USP5: variants seen among roughly 807,000 people sequenced by gnomAD.
USP5 encodes the protein ubiquitin carboxyl-terminal hydrolase 5.
USP5 carries 24 observed loss-of-function variants against 102.5 expected under a neutral mutation model. The ratio of observed to expected loss-of-function variants is 0.23; its 90% CI spans 0.17 to 0.33. USP5 has a LOEUF of 0.33. Ranked by LOEUF, USP5 falls within the 10% of genes least tolerant of loss-of-function variation. The pLI, the probability that USP5 is intolerant of heterozygous loss-of-function variation, is 1.00. For synonymous variants in USP5, 460 were observed against 434.8 expected, an observed-to-expected ratio of 1.06 and a Z score of -0.72; for missense variants, 753 against 1,122.1, an observed-to-expected ratio of 0.67 and a Z score of 4.70.
chr12:6,857,754 A>T lies in USP5; in HGVS notation c.864+31A>T, dbSNP rs1555128664. The T allele has an allele frequency of 3.1e-6, 5 of 1,611,074 alleles. No homozygotes were observed. In the South Asian group the frequency reaches 4.4e-5, roughly 14 times the overall value. ...ACCCCCTTCAACTTCAGATTCTTCTACTTCCTGCCCCTGTGAGGGCCCTTC... is the reference window on the plus strand; with the variant it reads ...ACCCCCTTCAACTTCAGATTCTTCTTCTTCCTGCCCCTGTGAGGGCCCTTC... On this transcript the variant is annotated intron_variant, in intron 7 of 19. Transcript: ENST00000229268.
At chr12:6,854,093 G>T (rs1159112213) in intron 1 of USP5, among the ~76,000 whole-genome samples, 7 of 152,196 alleles carry the variant, frequency 4.6e-5, no homozygotes, top group Non-Finnish European at 1.0e-4. Flanking sequence ...GGTCAGCTTT[G>T]GGGGAAGCCC....
At chr12:6,859,940 C>T (rs1356305653) in intron 9 of USP5, among the ~76,000 whole-genome samples, 1 of 152,176 alleles carries the variant, frequency 6.6e-6, no homozygotes, top group Admixed American at 6.5e-5. Context: ...CAGGCGTGAG[C>T]CACCGTGCAC....
At position 6,864,248 on chromosome 12, in the gene USP5, G is replaced by C. The variant is rs1284509923; in HGVS notation, c.2244+53G>C. On this transcript the variant is annotated intron_variant, in intron 17 of 19. Transcript: ENST00000229268. This position sits in a 1 kb window ranked among gnomAD's most constrained non-coding sequence, Gnocchi z 4.8. ...GGGCCAGTGGGGAAGAAGGGGGTGG[G>C]AATGAGGGGCCATCCTTCTTGAGCA... 1 of 1,527,876 alleles carries C rather than the reference G, an allele frequency of 6.5e-7. No homozygotes were observed. The highest frequency in any genetic ancestry group is 8.8e-7 in the Non-Finnish European group (1 of 1,138,540). 94.6% of individuals were successfully genotyped at this position (1,527,876 alleles called of 1,614,324 possible).
In USP5 at chr12:6,864,487, A is replaced by G. The variant is rs2071061; in HGVS notation, c.2245-235A>G. On this transcript the variant is annotated intron_variant, in intron 17 of 19. Coordinates refer to ENST00000229268, the MANE Select transcript of USP5 (RefSeq NM_001098536.2). This position sits in a 1 kb window ranked among gnomAD's most constrained non-coding sequence, Gnocchi z 4.8. ...GGCGGATCACGCGGTCAGCAGATCA[A>G]GACCATCCTGGCTAACACGGTGAAA... Among the ~76,000 whole-genome samples the G allele has an allele frequency of 0.053, 8,048 of 152,294 alleles. 599 individuals are homozygous for G. The highest frequency in any genetic ancestry group is 0.25 in the East Asian group (1,277 of 5,166).
Position 6,861,691 on chromosome 12 carries a change from C to T in USP5, c.1673+74C>T. Reference sequence around the variant, plus strand: ...TCCCAGAGGATACTTCTGTCTCTTCCCTGTTCTTTCATCCCTTTGTGGTTG... The same window carrying T: ...TCCCAGAGGATACTTCTGTCTCTTCTCTGTTCTTTCATCCCTTTGTGGTTG... On this transcript the variant is annotated intron_variant, in intron 13 of 19. Transcript: ENST00000229268. The surrounding 1 kb of genome is among the most constrained non-coding windows in gnomAD (Gnocchi z 4.9). 1 of 1,373,216 alleles carries T rather than the reference C, an allele frequency of 7.3e-7. No individual in the cohort carries two copies. The highest frequency in any genetic ancestry group is 1.8e-5 in the South Asian group (1 of 55,958). The allele number at this position is 1,373,216 out of a possible 1,614,324, so 85.1% of individuals were successfully genotyped here. A position where few individuals can be genotyped will look rare whatever the true frequency, so the allele number is the denominator to read the frequency against.
chr12:6,864,921 G>A lies in USP5; in HGVS notation c.2398+46G>A, dbSNP rs782807488. 1.3e-6 allele frequency: 2 copies of A among 1,594,204 alleles called. No homozygotes were observed. The highest frequency in any genetic ancestry group is 3.4e-5 in the Admixed American group (2 of 59,380). On this transcript the variant is annotated intron_variant, in intron 18 of 19. Coordinates refer to ENST00000229268, the MANE Select transcript of USP5 (RefSeq NM_001098536.2). This position sits in a 1 kb window ranked among gnomAD's most constrained non-coding sequence, Gnocchi z 4.8. ...GGACAGGCCTGGTGGAATCTGGTCA[G>A]TCTACTACACCAGATCCCTCATTCA...
intron 6 of USP5, 125 bp from the exon 7 acceptor site, chr12:6,857,504 C>G: frequency 1.3e-6 from 1 of 755,212 alleles, no homozygotes; most frequent in Non-Finnish European, 2.2e-6. Context: ...TTCAAGGGAA[C>G]CAAGAGGGTG....
rs782690448 is a variant in USP5, at chr12:6,860,934, C to G, written c.1345-19C>G. ...TTCCCTGGCTGCCCAGACCTCCCTA[C>G]CCTGCCTCTTTCCCATAGAGGAATT... On this transcript the variant is annotated intron_variant, in intron 11 of 19. Coordinates refer to ENST00000229268, the MANE Select transcript of USP5 (RefSeq NM_001098536.2). The surrounding 1 kb of genome is among the most constrained non-coding windows in gnomAD (Gnocchi z 5.5). 27 of 1,613,808 alleles carry G rather than the reference C, an allele frequency of 1.7e-5. No individual in the cohort carries two copies. Among genetic ancestry groups the G allele is most frequent in the Non-Finnish European group, 2.3e-5 (27 of 1,179,890 alleles).
chr12:6,865,691 G>A (rs1173013177), intron 19 of USP5, among the ~76,000 whole-genome samples: 1 of 152,222 alleles, frequency 6.6e-6, no homozygotes, highest in East Asian at 1.9e-4. Flanking sequence ...GAGAGAGCCT[G>A]CAGAACCTCA....
rs782110733 is a variant in USP5, at chr12:6,864,411, C to A, written c.2244+216C>A. On this transcript the variant is annotated intron_variant, in intron 17 of 19. Coordinates refer to ENST00000229268, the MANE Select transcript of USP5 (RefSeq NM_001098536.2). This position sits in a 1 kb window ranked among gnomAD's most constrained non-coding sequence, Gnocchi z 4.8. ...TAAAAATGTAATGCTTCTGTTTGGC[C>A]GGGCGCGGTGGCTCACGCCTGTAAT... Among the ~76,000 whole-genome samples, 5 of 152,168 alleles carry A rather than the reference C, an allele frequency of 3.3e-5. No individual in the cohort carries two copies. Among genetic ancestry groups the A allele is most frequent in the African/African-American group, 9.7e-5 (4 of 41,436 alleles).
rs1944096537 is a variant in USP5, at chr12:6,855,907, T to A, written c.304+86T>A. Reference sequence around the variant, plus strand: ...CCAGGAAAGCCCCAAAGAGTGGGCCTGATTGATGGCCCTAGAACTCTGGAT... The same window carrying A: ...CCAGGAAAGCCCCAAAGAGTGGGCCAGATTGATGGCCCTAGAACTCTGGAT... On this transcript the variant is annotated intron_variant, in intron 3 of 19. Coordinates refer to ENST00000229268, the MANE Select transcript of USP5 (RefSeq NM_001098536.2). This position sits in a 1 kb window ranked among gnomAD's most constrained non-coding sequence, Gnocchi z 4.6. The A allele has an allele frequency of 6.2e-7, 1 of 1,605,530 alleles. No homozygotes were observed. The highest frequency in any genetic ancestry group is 1.7e-5 in the Admixed American group (1 of 59,756).
chr12:6,863,478 T>C lies in USP5; in HGVS notation c.1954+101T>C. On this transcript the variant is annotated intron_variant, in intron 15 of 19. Transcript: ENST00000229268. The surrounding 1 kb of genome is among the most constrained non-coding windows in gnomAD (Gnocchi z 4.7). ...TCCTTTGTGTTTCTCCTGTCCTCCC[T>C]TTCAAATTTCCTCTGCCCTCTTTGA... 7.2e-7 allele frequency: 1 copy of C among 1,396,878 alleles called. No individual in the cohort carries two copies. The highest frequency in any genetic ancestry group is 1.3e-5 in the South Asian group (1 of 74,122). The allele number at this position is 1,396,878 out of a possible 1,614,324, so 86.5% of individuals were successfully genotyped here. A position where few individuals can be genotyped will look rare whatever the true frequency, so the allele number is the denominator to read the frequency against.
chr12:6,863,668 C>T lies in USP5; in HGVS notation c.1955-162C>T, dbSNP rs546905871. On this transcript the variant is annotated intron_variant, in intron 15 of 19. Coordinates refer to ENST00000229268, the MANE Select transcript of USP5 (RefSeq NM_001098536.2). The surrounding 1 kb of genome is among the most constrained non-coding windows in gnomAD (Gnocchi z 4.7). ...TTCTGTGAGAATGGGCAGGGACCCA[C>T]ATTACAATTGTGTGGTCATTTTGGT... 3.9e-5 allele frequency among the ~76,000 whole-genome samples: 6 copies of T among 152,138 alleles called. No individual in the cohort carries two copies. The highest frequency in any genetic ancestry group is 8.8e-5 in the Non-Finnish European group (6 of 68,024).
At position 6,861,210 on chromosome 12, in the gene USP5, A is replaced by G; in HGVS notation, c.1498+104A>G. 6.5e-7 allele frequency: 1 copy of G among 1,535,566 alleles called. No homozygotes were observed. Among genetic ancestry groups the G allele is most frequent in the Non-Finnish European group, 8.8e-7 (1 of 1,141,460 alleles). On this transcript the variant is annotated intron_variant, in intron 12 of 19. Transcript: ENST00000229268. This position sits in a 1 kb window ranked among gnomAD's most constrained non-coding sequence, Gnocchi z 4.9. The stretch of plus-strand genomic sequence containing the variant: ...CACAGCCCAGGGAATGCCCTGCTTC[A>G]CCAGCCAAGGTTCCAGTCTGGGCCA...
intron 19 of USP5, among the ~76,000 whole-genome samples, chr12:6,865,524 A>G (rs890322161): frequency 6.6e-5 from 10 of 152,018 alleles, no homozygotes; most frequent in Non-Finnish European, 8.8e-5. Context: ...CGGCCTCCCA[A>G]AGTGCTAGGA....
rs1944066033 is a variant in USP5, at chr12:6,855,041, C to T, written c.112-360C>T. Among the ~76,000 whole-genome samples the T allele has an allele frequency of 6.6e-6, 1 of 152,066 alleles. No homozygotes were observed. ...CCCATTTACTTTCTGGATCTGTTAG[C>T]CCCAGGATAGAGGTGAAGGAAGTCC... On this transcript the variant is annotated intron_variant, in intron 1 of 19. Coordinates refer to ENST00000229268, the MANE Select transcript of USP5 (RefSeq NM_001098536.2). The surrounding 1 kb of genome is among the most constrained non-coding windows in gnomAD (Gnocchi z 4.6).
intron 6 of USP5, 43 bp from the exon 7 acceptor site, chr12:6,857,586 C>A (rs781997483): frequency 6.4e-7 from 1 of 1,573,338 alleles, no homozygotes; most frequent in Non-Finnish European, 8.7e-7. Context: ...CCTGGCTAGT[C>A]CTGAGCCACT....
Position 6,866,260 on chromosome 12 carries a change from C to G in USP5, c.*183C>G. The G allele has an allele frequency of 1.6e-6, 1 of 608,226 alleles. No individual in the cohort carries two copies. Among genetic ancestry groups the G allele is most frequent in the Non-Finnish European group, 2.9e-6 (1 of 345,328 alleles). The allele number at this position is 608,226 out of a possible 1,614,324, so 37.7% of individuals were successfully genotyped here. A position where few individuals can be genotyped will look rare whatever the true frequency, so the allele number is the denominator to read the frequency against. On this transcript the variant is annotated 3_prime_UTR_variant, in exon 20 of 20. Transcript: ENST00000229268. The surrounding 1 kb of genome is among the most constrained non-coding windows in gnomAD (Gnocchi z 4.7). Reference sequence around the variant, plus strand: ...CAGAGCAGAGGGGCAGCGATAGACTCTGGGGATGGAGCAGGACGGGGACGG... The same window carrying G: ...CAGAGCAGAGGGGCAGCGATAGACTGTGGGGATGGAGCAGGACGGGGACGG...
chr12:6,861,085 A>G lies in USP5; in HGVS notation c.1477A>G (p.Met493Val), dbSNP rs1555129448. The G allele has an allele frequency of 1.9e-6, 3 of 1,614,262 alleles. No homozygotes were observed. Among genetic ancestry groups the G allele is most frequent in the Admixed American group, 1.7e-5 (1 of 60,026 alleles). ...VDYIMQLPVP[M>V]DAALNKEELL... ...CTACATCATGCAGCTGCCTGTGCCC[A>G]TGGATGCAGCCCTTAACAAAGGTAG... The change falls in exon 12 of 20, where the codon ATG becomes GTG. Residue 493 changes from methionine (M) to valine (V), a missense_variant. Coordinates refer to ENST00000229268, the MANE Select transcript of USP5 (RefSeq NM_001098536.2). This position sits in a 1 kb window ranked among gnomAD's most constrained non-coding sequence, Gnocchi z 4.9.
Sources: gnomAD v4.1 joint callset for allele counts (sites outside exome capture counted in the v4.1 genomes callset) on GRCh38, gnomAD v4.1.1 for gene constraint, Gnocchi (gnomAD v3.1) non-coding constraint, MANE v1.5 for transcripts, NCBI Gene and HGNC (gene_info 2026-07-23, HGNC 2026-07-21) for gene names.